SUCLG2: variants seen among roughly 807,000 people sequenced by gnomAD.
The protein encoded by SUCLG2 is succinate-CoA ligase GDP-forming subunit beta.
Under a neutral mutation model 47.9 loss-of-function variants are expected in SUCLG2, and 42 were observed. The observed-to-expected ratio is 0.88, with a 90% confidence interval of 0.69 to 1.14. The LOEUF is 1.14. Among genes scored for constraint, SUCLG2 ranks in the 50% most tolerant of loss-of-function variants. The probability of loss-of-function intolerance (pLI) is 0.00; values close to 1 mark genes in which losing one functional copy is unlikely to be tolerated. For synonymous variants in SUCLG2, 195 were observed against 197.3 expected, an observed-to-expected ratio of 0.99 and a Z score of 0.10; for missense variants, 571 against 525.9, an observed-to-expected ratio of 1.09 and a Z score of -0.84.
chr3:67,539,128 T>G (rs559483977), intron 2 of SUCLG2, among the ~76,000 whole-genome samples: 1 of 152,366 alleles, frequency 6.6e-6, no homozygotes, highest in Admixed American at 6.5e-5. Context: ...GGCATCCTTG[T>G]CTTGTGCCAA....
intron 2 of SUCLG2, among the ~76,000 whole-genome samples, chr3:67,555,052 G>C (rs933757613): frequency 6.6e-6 from 1 of 152,110 alleles, no homozygotes; most frequent in Admixed American, 6.5e-5. Flanking sequence ...TGGAGAGCAC[G>C]GGGGTTGTGG....
intron 2 of SUCLG2, among the ~76,000 whole-genome samples, chr3:67,593,426 T>TA (rs144071691): frequency 0.015 from 2,262 of 152,244 alleles, 59 homozygotes; most frequent in Non-Finnish European, 0.019. Context: ...ATCCAGCAAA[T>TA]AGCATATTCA....
chr3:67,397,973 A>T (rs1313393227), intron 10 of SUCLG2, among the ~76,000 whole-genome samples: 1 of 150,652 alleles, frequency 6.6e-6, no homozygotes, highest in African/African-American at 2.4e-5. Context: ...CCATATGTAG[A>T]AAGCTAAAAC....
intron 9 of SUCLG2, among the ~76,000 whole-genome samples, chr3:67,447,789 G>A (rs2106929067): frequency 6.6e-6 from 1 of 152,314 alleles, no homozygotes; most frequent in South Asian, 2.1e-4. Flanking sequence ...GAGTGCAGTG[G>A]TGCAATCTCA....
At chr3:67,409,072 A>G in intron 9 of SUCLG2, 1 of 1,523,494 alleles carries the variant, frequency 6.6e-7, no homozygotes, top group Non-Finnish European at 8.8e-7. Flanking sequence ...TATCTTGTAT[A>G]GGTTTGTGGA....
At chr3:67,446,999 A>C (rs1399241581) in intron 9 of SUCLG2, among the ~76,000 whole-genome samples, 1 of 152,188 alleles carries the variant, frequency 6.6e-6, no homozygotes, top group Non-Finnish European at 1.5e-5. Context: ...GGTTAACATT[A>C]GTTTTTTGAA....
At chr3:67,393,676 T>C (rs1314814480) in intron 10 of SUCLG2, among the ~76,000 whole-genome samples, 1 of 152,236 alleles carries the variant, frequency 6.6e-6, no homozygotes, top group Non-Finnish European at 1.5e-5. Context: ...GCAGTGGTTC[T>C]CCTGGCACGC....
intron 9 of SUCLG2, among the ~76,000 whole-genome samples, chr3:67,465,758 A>G (rs1704454419): frequency 6.6e-6 from 1 of 152,112 alleles, no homozygotes; most frequent in South Asian, 2.1e-4. Flanking sequence ...ATCCTTGCAC[A>G]TTTAATCTTG....
intron 9 of SUCLG2, among the ~76,000 whole-genome samples, chr3:67,494,927 T>C (rs1232110623): frequency 6.6e-6 from 1 of 152,136 alleles, no homozygotes; most frequent in African/African-American, 2.4e-5. Context: ...TTAGCTACCC[T>C]CAAGTTAAAA....
intron 9 of SUCLG2, among the ~76,000 whole-genome samples, chr3:67,427,713 G>C (rs1158586474): frequency 3.9e-5 from 6 of 152,180 alleles, no homozygotes. Context: ...CCCTTTCCTA[G>C]CCAAGAGAAG....
intron 9 of SUCLG2, among the ~76,000 whole-genome samples, chr3:67,474,801 A>G (rs1173466886): frequency 6.6e-6 from 1 of 152,194 alleles, no homozygotes; most frequent in Non-Finnish European, 1.5e-5. Flanking sequence ...TTTAAACTCC[A>G]GAGATTTCTC....
intron 9 of SUCLG2, among the ~76,000 whole-genome samples, chr3:67,421,077 C>A (rs964622999): frequency 3.3e-5 from 5 of 152,154 alleles, no homozygotes; most frequent in Non-Finnish European, 7.3e-5. Flanking sequence ...GGTGTTGACA[C>A]TGGAGATCAC....
intron 1 of SUCLG2, among the ~76,000 whole-genome samples, chr3:67,618,944 T>C (rs1032611061): frequency 3.3e-5 from 5 of 152,200 alleles, no homozygotes; most frequent in Admixed American, 1.3e-4. Flanking sequence ...CAGACCAGCG[T>C]CCGAGACCAT....
At chr3:67,563,495 G>A (rs757028171) in intron 2 of SUCLG2, among the ~76,000 whole-genome samples, 24 of 152,148 alleles carry the variant, frequency 1.6e-4, no homozygotes, top group Non-Finnish European at 2.5e-4. Context: ...ACCATGAAGC[G>A]TTTGAAAAGA....
In SUCLG2 at chr3:67,587,093, C is replaced by T. The variant is rs138692351; in HGVS notation, c.226+22362G>A. On this transcript the variant is annotated intron_variant, in intron 2 of 10. Coordinates refer to ENST00000307227, the MANE Select transcript of SUCLG2 (RefSeq NM_003848.4). ...ACCACATCCATTCATTTTTCTAATG[C>T]TATTCCAGTGAACTAGGGAAGAAAA... is the stretch of plus-strand genomic sequence containing the variant. 4.3e-3 allele frequency among the ~76,000 whole-genome samples: 653 copies of T among 152,326 alleles called. 21 individuals carry two copies. The highest frequency in any genetic ancestry group is 0.036 in the Admixed American group (551 of 15,296).
intron 9 of SUCLG2, among the ~76,000 whole-genome samples, chr3:67,456,761 C>G (rs2106948279): frequency 6.6e-6 from 1 of 152,218 alleles, no homozygotes; most frequent in Middle Eastern, 3.4e-3. Context: ...TCAAGCAAAA[C>G]AGCTAAACTT....
chr3:67,526,277 T>C (rs1483755724), intron 4 of SUCLG2, among the ~76,000 whole-genome samples: 1 of 152,190 alleles, frequency 6.6e-6, no homozygotes, highest in Non-Finnish European at 1.5e-5. Flanking sequence ...ACACTAACAA[T>C]AGCTGAGCTA....
intron 2 of SUCLG2, among the ~76,000 whole-genome samples, chr3:67,546,796 G>A (rs1462328286): frequency 1.3e-5 from 2 of 152,018 alleles, no homozygotes; most frequent in African/African-American, 4.8e-5. Flanking sequence ...AGCTACTTGG[G>A]AGGCTGAGGC....
intron 9 of SUCLG2, among the ~76,000 whole-genome samples, chr3:67,473,234 C>T (rs763768699): frequency 2.0e-5 from 3 of 152,066 alleles, no homozygotes; most frequent in Non-Finnish European, 2.9e-5. Context: ...GGCTGGAGTA[C>T]ACTGGTGTGA....
Sources: allele counts gnomAD v4.1 joint callset (sites outside exome capture counted in the v4.1 genomes callset), GRCh38; gene constraint gnomAD v4.1.1; transcripts MANE v1.5; gene names NCBI Gene and HGNC (gene_info 2026-07-23, HGNC 2026-07-21).